Variants in PDE8A observed in about 807,000 individuals in gnomAD.
The protein encoded by PDE8A is high affinity cAMP-specific and IBMX-insensitive 3',5'-cyclic phosphodiesterase 8A.
PDE8A carries 59 observed loss-of-function variants against 105.0 expected under a neutral mutation model. That is an observed-to-expected ratio of 0.56 (90% CI 0.46 to 0.70). PDE8A has a LOEUF of 0.70. Ranked by LOEUF, PDE8A falls within the 30% of genes least tolerant of loss-of-function variation. The pLI is 0.00. For synonymous variants in PDE8A, 355 were observed against 371.9 expected (o/e 0.95, Z 0.52); for missense variants, 1,014 against 1,045.9 (o/e 0.97, Z 0.42).
intron 5 of PDE8A, among the ~76,000 whole-genome samples, 188 bp from the exon 6 acceptor site, chr15:85,083,368 A>G (rs757194921): frequency 2.0e-4 from 30 of 152,214 alleles, no homozygotes; most frequent in Non-Finnish European, 3.2e-4. Flanking sequence ...GCATTCTTAA[A>G]CCCTATTTTT....
At chr15:85,074,224 C>G (rs1393898622) in intron 3 of PDE8A, among the ~76,000 whole-genome samples, 2 of 152,104 alleles carry the variant, frequency 1.3e-5, no homozygotes, top group African/African-American at 2.4e-5. Flanking sequence ...AAATGAAGCC[C>G]GAATCCCTAC....
In PDE8A at chr15:85,113,996, G is replaced by C. The variant is rs772940777; in HGVS notation, c.1309G>C (p.Asp437His). The change falls in exon 14 of 22, where the codon GAT becomes CAT. Residue 437 changes from aspartate (D) to histidine (H), a missense_variant. Asp to His is a moderately conservative substitution (Grantham distance 81). Transcript: ENST00000394553. ...TTCACCACAGTTTGGTGCTAAAGAT[G>C]ATGATCCCCATGCCAATGACCTTGT... The part of the protein sequence containing the change: ...LYSPQFGAKD[D>H]DPHANDLVGG... 4 of 1,613,928 alleles carry C rather than the reference G, an allele frequency of 2.5e-6. No individual in the cohort carries two copies. Among genetic ancestry groups the C allele is most frequent in the Middle Eastern group, 1.6e-4 (1 of 6,084 alleles).
chr15:85,000,148 A>G (rs2080044800), intron 1 of PDE8A, among the ~76,000 whole-genome samples: 3 of 152,334 alleles, frequency 2.0e-5, no homozygotes, highest in East Asian at 3.9e-4. Flanking sequence ...AAATGTGGAC[A>G]TGAGAGAAGG....
rs556771429 is a variant in PDE8A at position 85,019,457 on chromosome 15, T to A, written c.186+37109T>A. On this transcript the variant is annotated intron_variant, in intron 1 of 21. Transcript: ENST00000394553. ...TTTAAAGAAATGGGGTCTCGCTGTG[T>A]TGCCCAGGCTGGACTAGAACTCCTG... Among the ~76,000 whole-genome samples, 4 of 152,368 alleles carry A rather than the reference T, an allele frequency of 2.6e-5. No individual in the cohort carries two copies. The South Asian group carries it at 8.3e-4, about 32-fold the overall frequency.
At chr15:85,106,609 G>A (rs533191078) in intron 11 of PDE8A, among the ~76,000 whole-genome samples, 11 of 152,346 alleles carry the variant, frequency 7.2e-5, no homozygotes, top group African/African-American at 2.2e-4. Context: ...TGGTTGAGAA[G>A]AGGGGAAATT....
chr15:85,131,017 A>G (rs1432861055), intron 20 of PDE8A, among the ~76,000 whole-genome samples: 1 of 152,144 alleles, frequency 6.6e-6, no homozygotes, highest in African/African-American at 2.4e-5. Flanking sequence ...TCAACCTCCC[A>G]AAGTGCTGAG....
chr15:85,109,212 A>G, intron 12 of PDE8A, 82 bp downstream of exon 12: 1 of 866,308 alleles, frequency 1.2e-6, no homozygotes, highest in Non-Finnish European at 1.9e-6. Context: ...GCCCAGGCTC[A>G]TCCTGTCTAC....
At chr15:85,072,906 A>G (rs2081332428) in intron 3 of PDE8A, among the ~76,000 whole-genome samples, 1 of 152,192 alleles carries the variant, frequency 6.6e-6, no homozygotes, top group African/African-American at 2.4e-5. Flanking sequence ...TGAGCCCAGG[A>G]GTTCGAGACC....
intron 1 of PDE8A, among the ~76,000 whole-genome samples, chr15:85,040,640 A>T (rs960489749): frequency 3.9e-4 from 57 of 147,802 alleles, no homozygotes; most frequent in Non-Finnish European, 3.9e-4. Flanking sequence ...GGCTCACTGC[A>T]AGCTCTGCCT....
At chr15:85,078,902 T>C (rs1036848141) in intron 5 of PDE8A, among the ~76,000 whole-genome samples, 6 of 152,222 alleles carry the variant, frequency 3.9e-5, no homozygotes, top group African/African-American at 1.4e-4. Flanking sequence ...GCCAAGTTAT[T>C]GTTTAACCTT....
At chr15:85,086,047 A>G (rs1596503118) in intron 6 of PDE8A, among the ~76,000 whole-genome samples, 2 of 152,134 alleles carry the variant, frequency 1.3e-5, no homozygotes, top group South Asian at 4.1e-4. Context: ...AATTTAGCAT[A>G]TGATTACATG....
chr15:85,134,405 C>T (rs892073015), intron 20 of PDE8A, among the ~76,000 whole-genome samples: 19 of 152,172 alleles, frequency 1.2e-4, no homozygotes, highest in Non-Finnish European at 2.2e-4. Context: ...AACCCAAGGC[C>T]CTCCCTGCGC....
At chr15:85,079,021 A>G (rs2081423669) in intron 5 of PDE8A, among the ~76,000 whole-genome samples, 3 of 152,188 alleles carry the variant, frequency 2.0e-5, no homozygotes, top group Non-Finnish European at 4.4e-5. Context: ...TTTGAAGAGG[A>G]GAGGAGGGAA....
At chr15:84,997,684 C>T (rs1438292434) in intron 1 of PDE8A, among the ~76,000 whole-genome samples, 1 of 152,062 alleles carries the variant, frequency 6.6e-6, no homozygotes, top group Non-Finnish European at 1.5e-5. Context: ...TCCCTGCCTC[C>T]CAGGTTCAAG....
intron 1 of PDE8A, among the ~76,000 whole-genome samples, chr15:84,994,607 T>A (rs1382056100): frequency 6.6e-6 from 1 of 152,276 alleles, no homozygotes; most frequent in Non-Finnish European, 1.5e-5. Flanking sequence ...ACTTGCTTTA[T>A]CACATATATC....
Position 85,097,803 on chromosome 15 carries a change from C to T in PDE8A, c.853-145C>T, listed in dbSNP as rs373429956. ...CTTTGGAAGTTAAGAAAGAATTGTC[C>T]TATTACCTGAAATCAGTTTGGGGTT... is the stretch of plus-strand genomic sequence containing the variant. On this transcript the variant is annotated intron_variant, in intron 8 of 21. Coordinates refer to ENST00000394553, the MANE Select transcript of PDE8A (RefSeq NM_002605.3). 2.2e-4 allele frequency: 136 copies of T among 610,254 alleles called. No homozygotes were observed. The African/African-American group carries it at 2.3e-3, about 10-fold the overall frequency. 37.8% of individuals were successfully genotyped at this position (610,254 alleles called of 1,614,324 possible).
intron 1 of PDE8A, among the ~76,000 whole-genome samples, chr15:85,048,926 C>A (rs1425354151): frequency 6.6e-6 from 1 of 152,108 alleles, no homozygotes; most frequent in Admixed American, 6.6e-5. Flanking sequence ...TATGGCAAAA[C>A]CCCGTCTCTA....
chr15:84,986,246 A>G (rs1254195743), intron 1 of PDE8A, among the ~76,000 whole-genome samples: 2 of 152,094 alleles, frequency 1.3e-5, no homozygotes, highest in Non-Finnish European at 2.9e-5. Flanking sequence ...TAATAAATAA[A>G]AGATGTAAGG....
chr15:85,037,586 TC>T (rs1285947189), intron 1 of PDE8A, among the ~76,000 whole-genome samples: 2 of 152,218 alleles, frequency 1.3e-5, no homozygotes, highest in Admixed American at 6.5e-5. Flanking sequence ...TCAAAATGTT[TC>T]ATGATGGTTC....
Sources: allele counts gnomAD v4.1 joint callset (sites outside exome capture counted in the v4.1 genomes callset), GRCh38; gene constraint gnomAD v4.1.1; transcripts MANE v1.5; gene names NCBI Gene and HGNC (gene_info 2026-07-23, HGNC 2026-07-21).